The following TENM3 variants were observed in gnomAD, a reference collection of about 807,000 sequenced individuals.
TENM3 encodes the protein teneurin transmembrane protein 3.
In TENM3, 63 loss-of-function variants were observed where a neutral mutation model predicts 255.1. That is an observed-to-expected ratio of 0.25 (90% confidence interval 0.20 to 0.30). TENM3 has a LOEUF of 0.30. TENM3 is among the 10% of genes least tolerant of loss of function. TENM3 has a pLI of 1.00. For missense variants in TENM3, 2,929 were observed against 3,461.1 expected, an observed-to-expected ratio of 0.85 and a Z score of 3.86; for synonymous variants, 1,306 against 1,322.3, an observed-to-expected ratio of 0.99 and a Z score of 0.27.
chr4:182,643,581 C>G (rs1262715084), intron 5 of TENM3, among the ~76,000 whole-genome samples: 5 of 152,162 alleles, frequency 3.3e-5, no homozygotes, highest in Non-Finnish European at 5.9e-5. Context: ...GATCCAGTAA[C>G]TTGCCAAAGT....
chr4:182,452,359 A>G (rs1381528954), intron 3 of TENM3, among the ~76,000 whole-genome samples: 1 of 152,050 alleles, frequency 6.6e-6, no homozygotes, highest in Non-Finnish European at 1.5e-5. Context: ...GGTGTCCAGT[A>G]AACTGTACCC....
chr4:182,590,668 G>A (rs1746541958), intron 3 of TENM3, among the ~76,000 whole-genome samples: 1 of 151,584 alleles, frequency 6.6e-6, no homozygotes, highest in Admixed American at 6.6e-5. Flanking sequence ...GACCATCCTG[G>A]CCAACATGGT....
chr4:181,742,372 A>G, the TENM3 span, among the ~76,000 whole-genome samples: 1 of 152,180 alleles, frequency 6.6e-6, no homozygotes, highest in Non-Finnish European at 1.5e-5. Context: ...ATAGAAGTGC[A>G]TACTTAAAAA....
At chr4:181,744,222 T>C in the TENM3 span, among the ~76,000 whole-genome samples, 1 of 152,218 alleles carries the variant, frequency 6.6e-6, no homozygotes, top group African/African-American at 2.4e-5. Context: ...TGCAGTCCAT[T>C]AGTGATGGGC....
At chr4:182,605,513 C>G (rs1223739088) in intron 4 of TENM3, among the ~76,000 whole-genome samples, 1 of 147,428 alleles carries the variant, frequency 6.8e-6, no homozygotes, top group African/African-American at 2.5e-5. Flanking sequence ...GGAAAGTCAA[C>G]TTAAATTATA....
At chr4:182,276,427 G>A (rs866027100) in intron 1 of TENM3, among the ~76,000 whole-genome samples, 1 of 152,202 alleles carries the variant, frequency 6.6e-6, no homozygotes, top group South Asian at 2.1e-4. Context: ...GATAACATTT[G>A]TGATAAGGTG....
the TENM3 span, among the ~76,000 whole-genome samples, chr4:181,978,481 T>C: frequency 6.6e-6 from 1 of 152,036 alleles, no homozygotes; most frequent in Non-Finnish European, 1.5e-5. Flanking sequence ...ACACCATCTC[T>C]ACTAAAAATA....
chr4:182,271,213 G>C (rs994810714), intron 1 of TENM3, among the ~76,000 whole-genome samples: 31 of 152,250 alleles, frequency 2.0e-4, no homozygotes, highest in African/African-American at 6.7e-4. Flanking sequence ...TAACCAGCTA[G>C]TTATCGCCTT....
the TENM3 span, among the ~76,000 whole-genome samples, chr4:181,501,670 G>A: frequency 2.6e-5 from 4 of 152,208 alleles, no homozygotes; most frequent in East Asian, 3.9e-4. Flanking sequence ...GAGCCAACAC[G>A]CCCAGCCAGA....
At chr4:182,436,105 C>G (rs1772024976) in intron 3 of TENM3, among the ~76,000 whole-genome samples, 1 of 152,110 alleles carries the variant, frequency 6.6e-6, no homozygotes, top group Non-Finnish European at 1.5e-5. Context: ...TAGGGACTCT[C>G]ATTTTCTATT....
chr4:182,029,783 T>A, the TENM3 span, among the ~76,000 whole-genome samples: 1 of 152,134 alleles, frequency 6.6e-6, no homozygotes, highest in Non-Finnish European at 1.5e-5. Flanking sequence ...ATAAAATAAA[T>A]TGAAATTGAA....
intron 7 of TENM3, among the ~76,000 whole-genome samples, chr4:182,673,817 CT>C (rs1357815941): frequency 1.3e-5 from 2 of 152,296 alleles, no homozygotes; most frequent in South Asian, 4.1e-4. Flanking sequence ...TTCACATATC[CT>C]TAATATCAAA....
chr4:182,661,232 G>A (rs1370626962), intron 6 of TENM3, among the ~76,000 whole-genome samples: 5 of 114,950 alleles, frequency 4.3e-5, no homozygotes, highest in Admixed American at 4.0e-4. Flanking sequence ...ACGGAGTCTC[G>A]CTCTGTCACC....
chr4:181,590,653 A>T, the TENM3 span, among the ~76,000 whole-genome samples: 10 of 152,354 alleles, frequency 6.6e-5, no homozygotes, highest in East Asian at 1.5e-3. Flanking sequence ...CACAGAAAAC[A>T]ATAGAGGAAT....
At chr4:181,447,912 C>A in the TENM3 span, among the ~76,000 whole-genome samples, 3 of 151,964 alleles carry the variant, frequency 2.0e-5, no homozygotes, top group Admixed American at 1.3e-4. Flanking sequence ...CTCTTTATAC[C>A]TTTTCTGCAC....
intron 3 of TENM3, among the ~76,000 whole-genome samples, chr4:182,579,355 G>C (rs536116787): frequency 7.3e-6 from 1 of 136,362 alleles, no homozygotes; most frequent in African/African-American, 2.5e-5. Context: ...GTAGGATAAT[G>C]CAATGGGAAA....
chr4:182,609,113 G>C (rs1748731420), intron 4 of TENM3, among the ~76,000 whole-genome samples: 1 of 152,206 alleles, frequency 6.6e-6, no homozygotes, highest in African/African-American at 2.4e-5. Context: ...GGAGGAGCCT[G>C]CTGGGAGGCT....
the TENM3 span, among the ~76,000 whole-genome samples, chr4:181,738,231 T>G: frequency 1.6e-4 from 24 of 152,202 alleles, no homozygotes; most frequent in African/African-American, 5.8e-4. Context: ...ATGTCAAGTA[T>G]GCTAGTTAGG....
chr4:181,734,564 A>C, the TENM3 span, among the ~76,000 whole-genome samples: 1 of 152,132 alleles, frequency 6.6e-6, no homozygotes, highest in East Asian at 1.9e-4. Flanking sequence ...TTGTTTAGGC[A>C]ATGTTGAGTG....
Sources: gnomAD v4.1 joint callset for allele counts (sites outside exome capture counted in the v4.1 genomes callset) on GRCh38, gnomAD v4.1.1 for gene constraint, MANE v1.5 for transcripts, NCBI Gene and HGNC (gene_info 2026-07-23, HGNC 2026-07-21) for gene names.